Variants in ATAD2B observed in about 807,000 individuals in gnomAD.
ATAD2B encodes the protein ATPase family AAA domain-containing protein 2B.
Under a neutral mutation model 167.6 loss-of-function variants are expected in ATAD2B, and 40 were observed. That is an observed-to-expected ratio of 0.24 (90% CI 0.19 to 0.31). The LOEUF is 0.31. Ranked by LOEUF, ATAD2B falls within the 10% of genes least tolerant of loss-of-function variation. The probability of loss-of-function intolerance (pLI) is 1.00; values close to 1 mark genes in which losing one functional copy is unlikely to be tolerated. For synonymous variants in ATAD2B, 579 were observed against 596.5 expected (o/e 0.97, Z 0.43); for missense variants, 1,242 against 1,757.2 (o/e 0.71, Z 5.24).
intron 18 of ATAD2B, among the ~76,000 whole-genome samples, chr2:23,805,802 A>AAAAAAAAAAAAC (rs1553396427): frequency 3.9e-5 from 5 of 128,624 alleles, no homozygotes; most frequent in East Asian, 3.1e-4. Flanking sequence ...CTTTAAAAAA[A>AAAAAAAAAAAAC]AAAAAACAAA....
intron 1 of ATAD2B, among the ~76,000 whole-genome samples, chr2:23,904,863 G>C (rs1250799264): frequency 1.3e-5 from 2 of 152,088 alleles, no homozygotes; most frequent in African/African-American, 4.8e-5. Context: ...AATGCACAGA[G>C]GCAGTGGTTA....
At chr2:23,892,800 A>G (rs973847390) in intron 2 of ATAD2B, among the ~76,000 whole-genome samples, 11 of 152,090 alleles carry the variant, frequency 7.2e-5, no homozygotes, top group Non-Finnish European at 1.0e-4. Flanking sequence ...GAAAATTTCA[A>G]TTTGTCTGTA....
intron 2 of ATAD2B, among the ~76,000 whole-genome samples, 160 bp downstream of exon 2, chr2:23,895,659 T>C (rs966731173): frequency 2.0e-5 from 3 of 152,106 alleles, no homozygotes; most frequent in African/African-American, 7.2e-5. Flanking sequence ...ATATAGAAAA[T>C]AAACTTACAT....
intron 13 of ATAD2B, among the ~76,000 whole-genome samples, chr2:23,841,700 G>A (rs1033538777): frequency 1.3e-5 from 2 of 151,948 alleles, no homozygotes; most frequent in Non-Finnish European, 2.9e-5. Flanking sequence ...ATTATTTGTA[G>A]ACACAGCATC....
rs902665816 is a variant in ATAD2B, at chr2:23,751,198, G to T, written c.*848C>A. On this transcript the variant is annotated 3_prime_UTR_variant, in exon 28 of 28. Coordinates refer to ENST00000238789, the MANE Select transcript of ATAD2B (RefSeq NM_017552.4). ...GTGCAGTTTTGTTTTTTGTTTTTTT[G>T]TGTGTGGACTGTGTATTATTCTTTG... 2.6e-5 allele frequency: 4 copies of T among 151,594 alleles called. No homozygotes were observed. The highest frequency in any genetic ancestry group is 5.9e-5 in the Non-Finnish European group (4 of 67,878). 9.4% of individuals were successfully genotyped at this position (151,594 alleles called of 1,614,324 possible). A position where few individuals can be genotyped will look rare whatever the true frequency, so the allele number is the denominator to read the frequency against.
At chr2:23,854,277 A>G (rs532442155) in intron 13 of ATAD2B, among the ~76,000 whole-genome samples, 6 of 152,116 alleles carry the variant, frequency 3.9e-5, no homozygotes, top group Non-Finnish European at 5.9e-5. Flanking sequence ...TATTAAAAAA[A>G]TAAACTTCAG....
intron 12 of ATAD2B, among the ~76,000 whole-genome samples, chr2:23,861,529 G>T (rs1370959282): frequency 8.2e-6 from 1 of 121,374 alleles, no homozygotes; most frequent in Non-Finnish European, 1.8e-5. Context: ...AAAAAATACA[G>T]CAAACATTTC....
the ATAD2B span, among the ~76,000 whole-genome samples, chr2:23,739,018 C>T: frequency 6.6e-6 from 1 of 152,172 alleles, no homozygotes; most frequent in Non-Finnish European, 1.5e-5. Flanking sequence ...AATATATATG[C>T]ACCCAATACA....
intron 1 of ATAD2B, among the ~76,000 whole-genome samples, chr2:23,913,894 G>T (rs1017524671): frequency 7.9e-5 from 12 of 152,094 alleles, no homozygotes; most frequent in Admixed American, 6.6e-5. Flanking sequence ...TTGAGCCTAG[G>T]TGGTCGAGGC....
At chr2:23,709,678 G>T in the ATAD2B span, among the ~76,000 whole-genome samples, 1 of 152,062 alleles carries the variant, frequency 6.6e-6, no homozygotes, top group East Asian at 1.9e-4. Flanking sequence ...CAGGGTAGGC[G>T]AGAGAGGGAG....
chr2:23,885,104 T>C (rs763266922), intron 5 of ATAD2B, among the ~76,000 whole-genome samples: 154 of 152,194 alleles, frequency 1.0e-3, no homozygotes, highest in Non-Finnish European at 1.9e-3. Flanking sequence ...ACATACTTTC[T>C]CCCTCAAGCA....
chr2:23,686,421 C>T, the ATAD2B span, among the ~76,000 whole-genome samples: 1 of 152,100 alleles, frequency 6.6e-6, no homozygotes, highest in Non-Finnish European at 1.5e-5. Flanking sequence ...AGACTGGTCA[C>T]GTCCTCTCCT....
the ATAD2B span, among the ~76,000 whole-genome samples, chr2:23,708,991 C>T: frequency 6.6e-6 from 1 of 152,344 alleles, no homozygotes; most frequent in South Asian, 2.1e-4. Context: ...AGACACAACA[C>T]ACTTTCTCCA....
chr2:23,718,414 G>A, the ATAD2B span, among the ~76,000 whole-genome samples: 1 of 152,158 alleles, frequency 6.6e-6, no homozygotes, highest in Admixed American at 6.5e-5. Flanking sequence ...GGTGTCTTAG[G>A]AGCCTGAGAG....
chr2:23,917,529 G>A (rs1703217476), intron 1 of ATAD2B, among the ~76,000 whole-genome samples: 1 of 151,772 alleles, frequency 6.6e-6, no homozygotes, highest in Admixed American at 6.6e-5. Context: ...TCACCAAGTA[G>A]AGGGAAAGAT....
chr2:23,769,243 A>C (rs1044114158), intron 22 of ATAD2B, among the ~76,000 whole-genome samples: 1 of 152,162 alleles, frequency 6.6e-6, no homozygotes, highest in Admixed American at 6.5e-5. Flanking sequence ...GTTCAAGACC[A>C]GCCTGACCAA....
intron 7 of ATAD2B, among the ~76,000 whole-genome samples, chr2:23,876,959 CG>C (rs1169813724): frequency 6.7e-6 from 1 of 149,330 alleles, no homozygotes; most frequent in African/African-American, 2.5e-5. Flanking sequence ...CCCAGCTACT[CG>C]GGAGGCTGAG....
the ATAD2B span, chr2:23,697,676 G>C: frequency 3.9e-5 from 6 of 152,274 alleles, no homozygotes; most frequent in African/African-American, 1.4e-4. Flanking sequence ...CCCCCAAGTA[G>C]AGCCCAGAGA....
rs1302865489 is a variant in ATAD2B, at chr2:23,880,696, T to C, written c.844A>G (p.Arg282Gly). 1 of 1,610,830 alleles carries C rather than the reference T, an allele frequency of 6.2e-7. No individual in the cohort carries two copies. The highest frequency in any genetic ancestry group is 8.5e-7 in the Non-Finnish European group (1 of 1,178,224). The change falls in exon 7 of 28, where the codon AGA becomes GGA. Residue 282 changes from arginine (R) to glycine (G), a missense_variant. This residue lies in a region of ATAD2B where 99 missense variants were observed against 160.4 expected (regional missense o/e 0.62). Coordinates refer to ENST00000238789, the MANE Select transcript of ATAD2B (RefSeq NM_017552.4). Reference sequence around the variant, plus strand: ...TTTCTCTGTCTCAAATTATATGGTCTATCATTTTCTTCTCCTTCTGCCTCT... The same window carrying C: ...TTTCTCTGTCTCAAATTATATGGTCCATCATTTTCTTCTCCTTCTGCCTCT... ...VEEAEGEEND[R>G]PYNLRQRKTV... is the part of the protein sequence containing the mutation.
Sources: gnomAD v4.1 joint callset for allele counts (sites outside exome capture counted in the v4.1 genomes callset) on GRCh38, gnomAD v4.1.1 for gene constraint, gnomAD v4.1.1 regional missense constraint, MANE v1.5 for transcripts, NCBI Gene and HGNC (gene_info 2026-07-23, HGNC 2026-07-21) for gene names.